STARD10: variants seen among roughly 807,000 people sequenced by gnomAD.
The protein encoded by STARD10 is StAR related lipid transfer domain containing 10.
Under a neutral mutation model 36.0 loss-of-function variants are expected in STARD10, and 24 were observed. The observed-to-expected ratio is 0.67, with a 90% CI of 0.48 to 0.94. The LOEUF (loss-of-function observed/expected upper bound fraction) is 0.94. Among genes scored for constraint, STARD10 ranks in the 40% least tolerant of loss-of-function variants. The pLI is 0.00. For missense variants in STARD10, 335 were observed against 396.6 expected (o/e 0.84, Z 1.32); for synonymous variants, 156 against 161.9 (o/e 0.96, Z 0.28).
At chr11:72,765,190 C>G (rs1380217971) in intron 2 of STARD10, among the ~76,000 whole-genome samples, 1 of 152,172 alleles carries the variant, frequency 6.6e-6, no homozygotes, top group African/African-American at 2.4e-5. Context: ...CGCTTGAACC[C>G]GAGAGGCGGA....
chr11:72,767,836 T>A (rs1858811949), intron 2 of STARD10, among the ~76,000 whole-genome samples: 1 of 152,192 alleles, frequency 6.6e-6, no homozygotes, highest in African/African-American at 2.4e-5. Context: ...CAACATCTCA[T>A]CTGTCAAGCA....
At chr11:72,784,186 C>G (rs1040455963) in intron 1 of STARD10, among the ~76,000 whole-genome samples, 1 of 152,198 alleles carries the variant, frequency 6.6e-6, no homozygotes, top group Admixed American at 6.5e-5. Flanking sequence ...TCTCAAAACA[C>G]CCCTAAGCAG....
rs1354150951 is a variant in STARD10, at chr11:72,793,767, G to C, written c.-1006C>G. The C allele has an allele frequency of 6.6e-6, 1 of 152,176 alleles. No homozygotes were observed. The highest frequency in any genetic ancestry group is 1.5e-5 in the Non-Finnish European group (1 of 68,034). The allele number at this position is 152,176 out of a possible 1,614,324, so 9.4% of individuals were successfully genotyped here. On this transcript the variant is annotated 5_prime_UTR_variant, in exon 1 of 7. Transcript: ENST00000334805. ...CCCCGCGTTTGCGCGTGCGCTTCCC[G>C]CCCGGGACCGCCCAGAGGTCCCGGA... is the stretch of plus-strand genomic sequence containing the variant.
Position 72,781,119 on chromosome 11 carries a change from A to G in STARD10, c.63T>C (p.Ser21=). The G allele has an allele frequency of 6.2e-7, 1 of 1,613,664 alleles. No homozygotes were observed. The highest frequency in any genetic ancestry group is 8.5e-7 in the Non-Finnish European group (1 of 1,179,996). The part of the protein sequence containing the change: ...QGPRPVLGRE[S]VQVPDDQDFR... Reference sequence around the variant, plus strand: ...AGTCTTGGTCATCGGGCACCTGGACACTCTCACGGCCCAGGACCGGCCGAG... The same window carrying G: ...AGTCTTGGTCATCGGGCACCTGGACGCTCTCACGGCCCAGGACCGGCCGAG... Residue 21 remains serine, a synonymous_variant, in exon 2 of 7, where the codon AGT becomes AGC. Transcript: ENST00000334805. The surrounding 1 kb of genome is among the most constrained non-coding windows in gnomAD (Gnocchi z 4.7).
At chr11:72,759,837 T>C (rs370189804) in intron 2 of STARD10, among the ~76,000 whole-genome samples, 1 of 152,230 alleles carries the variant, frequency 6.6e-6, no homozygotes, top group East Asian at 1.9e-4. Context: ...CTGGTACTTA[T>C]CACGCGGCCA....
intron 1 of STARD10, among the ~76,000 whole-genome samples, chr11:72,790,176 GCCCACCCA>G (rs1209767317): frequency 2.6e-5 from 4 of 152,180 alleles, no homozygotes; most frequent in African/African-American, 7.2e-5. Flanking sequence ...GCAAACCACA[GCCCACCCA>G]GGTGGCTACA....
Position 72,759,352 on chromosome 11 carries a change from G to C in STARD10, c.237C>G (p.Ala79=). 1.9e-6 allele frequency: 3 copies of C among 1,613,688 alleles called. No homozygotes were observed. Among genetic ancestry groups the C allele is most frequent in the Non-Finnish European group, 1.7e-6 (2 of 1,179,884 alleles). The change falls in exon 3 of 7, where the codon GCC becomes GCG. Residue 79 remains alanine (A), a synonymous_variant. Coordinates refer to ENST00000334805, the MANE Select transcript of STARD10 (RefSeq NM_006645.3). Reference sequence around the variant, plus strand: ...CGTGTAGGACGTCGTAGAGTGTCTCGGCTGGCACATCACAGCACTCCATCC... The same window carrying C: ...CGTGTAGGACGTCGTAGAGTGTCTCCGCTGGCACATCACAGCACTCCATCC... ...KCRMECCDVP[A]ETLYDVLHDI...
At chr11:72,772,087 G>A (rs901670459) in intron 2 of STARD10, among the ~76,000 whole-genome samples, 4 of 152,206 alleles carry the variant, frequency 2.6e-5, no homozygotes, top group African/African-American at 4.8e-5. Context: ...GATGTCTCCC[G>A]CTCCCCATGC....
chr11:72,768,799 C>G (rs1447212130), intron 2 of STARD10, among the ~76,000 whole-genome samples: 5 of 152,208 alleles, frequency 3.3e-5, no homozygotes, highest in Admixed American at 1.3e-4. Context: ...TGCTGTGGCC[C>G]CTTGCTCATC....
At position 72,759,377 on chromosome 11, in the gene STARD10, C is replaced by T. The variant is rs367692859; in HGVS notation, c.212G>A (p.Arg71Gln). ...GGCTGGCACATCACAGCACTCCATC[C>T]GGCACTGCAGACAAGATATATGGGT... ...MDRTLHKIKC[R>Q]MECCDVPAET... The change falls in exon 3 of 7, where the codon CGG becomes CAG. Residue 71 changes from arginine to glutamine, a missense_variant. Arg to Gln is a conservative substitution (Grantham distance 43, BLOSUM62 1). Coordinates refer to ENST00000334805, the MANE Select transcript of STARD10 (RefSeq NM_006645.3). The T allele has an allele frequency of 1.9e-5, 31 of 1,613,646 alleles. No homozygotes were observed. Among genetic ancestry groups the T allele is most frequent in the Admixed American group, 3.3e-5 (2 of 59,972 alleles).
intron 2 of STARD10, among the ~76,000 whole-genome samples, chr11:72,777,472 C>T (rs1012716594): frequency 3.9e-5 from 6 of 152,276 alleles, no homozygotes; most frequent in African/African-American, 1.4e-4. Context: ...TCTCCCGTTT[C>T]TCACACCAAT....
At position 72,755,736 on chromosome 11, in the gene STARD10, C is replaced by G. The variant is rs1858635442; in HGVS notation, c.595G>C (p.Val199Leu). 2 of 1,613,490 alleles carry G rather than the reference C, an allele frequency of 1.2e-6. No homozygotes were observed. The highest frequency in any genetic ancestry group is 1.7e-6 in the Non-Finnish European group (2 of 1,179,752). Residue 199 changes from valine to leucine, a missense_variant, in exon 6 of 7, where the codon GTG (valine) becomes CTG (leucine). By Grantham distance (32) the Val-to-Leu change is conservative. Coordinates refer to ENST00000334805, the MANE Select transcript of STARD10 (RefSeq NM_006645.3). ...AGGAACTGAGAAGATTTATTCACCA[C>G]CCACTTGGGTAAGGAGCCTGTGAGG... ...VDPKGSLPKW[V>L]VNKSSQFLAP...
At position 72,772,204 on chromosome 11, in the gene STARD10, G is replaced by T. The variant is rs1858869661; in HGVS notation, c.207+8771C>A. ...CCATAGGGGGCATGGTTCTCCCTGT[G>T]CACAGCGCTGCCATAGCCATAGTGG... On this transcript the variant is annotated intron_variant, in intron 2 of 6. Coordinates refer to ENST00000334805, the MANE Select transcript of STARD10 (RefSeq NM_006645.3). Among the ~76,000 whole-genome samples, 3 of 143,158 alleles carry T rather than the reference G, an allele frequency of 2.1e-5. No homozygotes were observed. The South Asian group carries it at 7.0e-4, about 33-fold the overall frequency. 93.9% of individuals were successfully genotyped at this position (143,158 alleles called of 152,430 possible).
At chr11:72,765,637 A>C (rs956120510) in intron 2 of STARD10, among the ~76,000 whole-genome samples, 71 of 152,206 alleles carry the variant, frequency 4.7e-4, no homozygotes, top group African/African-American at 1.6e-3. Context: ...TGTTGTGATT[A>C]AATGAGATAA....
chr11:72,784,374 T>C (rs1296555724), intron 1 of STARD10, among the ~76,000 whole-genome samples: 2 of 152,156 alleles, frequency 1.3e-5, no homozygotes, highest in Non-Finnish European at 2.9e-5. Flanking sequence ...GTGACAGGCC[T>C]TCTCTGAGCC....
intron 2 of STARD10, among the ~76,000 whole-genome samples, chr11:72,775,798 G>A (rs1035395108): frequency 2.6e-5 from 4 of 152,158 alleles, no homozygotes. Context: ...TGCTGAATGT[G>A]TGAATGAATG....
intron 1 of STARD10, among the ~76,000 whole-genome samples, chr11:72,783,138 C>CA (rs1859026787): frequency 6.6e-6 from 1 of 152,158 alleles, no homozygotes; most frequent in Non-Finnish European, 1.5e-5. Context: ...CGGTGCTTCA[C>CA]AAATAGAGGT....
intron 2 of STARD10, among the ~76,000 whole-genome samples, chr11:72,761,913 T>A (rs12786474): frequency 1.4e-5 from 2 of 139,820 alleles, no homozygotes; most frequent in African/African-American, 5.4e-5. Flanking sequence ...TTTTCTTTTC[T>A]TTTCTTTTTT....
chr11:72,766,783 T>C (rs1450628276), intron 2 of STARD10, among the ~76,000 whole-genome samples: 1 of 152,200 alleles, frequency 6.6e-6, no homozygotes, highest in Non-Finnish European at 1.5e-5. Context: ...GGCCACGTCC[T>C]GGCCTTGAGA....
Sources: allele counts gnomAD v4.1 joint callset (sites outside exome capture counted in the v4.1 genomes callset), GRCh38; gene constraint gnomAD v4.1.1; non-coding constraint Gnocchi (gnomAD v3.1); transcripts MANE v1.5; gene names NCBI Gene and HGNC (gene_info 2026-07-23, HGNC 2026-07-21).